CAPZA2: variants seen among roughly 807,000 people sequenced by gnomAD.
The protein encoded by CAPZA2 is capping actin protein of muscle Z-line subunit alpha 2.
CAPZA2 carries 13 observed loss-of-function variants against 44.0 expected under a neutral mutation model. The ratio of observed to expected loss-of-function variants is 0.30; its 90% CI spans 0.19 to 0.47. The LOEUF is 0.47. Ranked by LOEUF, CAPZA2 falls within the 20% of genes least tolerant of loss-of-function variation. The probability of loss-of-function intolerance (pLI) is 1.00; values close to 1 mark genes in which losing one functional copy is unlikely to be tolerated. For missense variants in CAPZA2, 244 were observed against 338.6 expected, an observed-to-expected ratio of 0.72 and a Z score of 2.19; for synonymous variants, 94 against 108.2, an observed-to-expected ratio of 0.87 and a Z score of 0.81.
At position 116,917,956 on chromosome 7, in the gene CAPZA2, G is replaced by C; in HGVS notation, c.*89G>C. On this transcript the variant is annotated 3_prime_UTR_variant, in exon 10 of 10. Transcript: ENST00000361183. ...TCTGAACTGTCAAGCTGCCCAGTCA[G>C]ATGGGCTGTTGCCATTTAAAATCAC... 1 of 1,024,650 alleles carries C rather than the reference G, an allele frequency of 9.8e-7. No individual in the cohort carries two copies. The highest frequency in any genetic ancestry group is 1.5e-6 in the Non-Finnish European group (1 of 667,144). The allele number at this position is 1,024,650 out of a possible 1,614,324, so 63.5% of individuals were successfully genotyped here. A position where few individuals can be genotyped will look rare whatever the true frequency, so the allele number is the denominator to read the frequency against.
chr7:116,877,947 T>G (rs373699805), intron 1 of CAPZA2, among the ~76,000 whole-genome samples: 1 of 152,108 alleles, frequency 6.6e-6, no homozygotes, highest in African/African-American at 2.4e-5. Context: ...TGGGTCTGAA[T>G]AAAATGGAAT....
intron 8 of CAPZA2, among the ~76,000 whole-genome samples, chr7:116,912,730 A>T (rs1791614846): frequency 6.6e-6 from 1 of 152,118 alleles, no homozygotes. Context: ...TTCTTCAGTT[A>T]ATGGACATTT....
rs753333061 is a variant in CAPZA2 at position 116,920,952 on chromosome 7, GGGTATGATGAT to G, written c.*3089_*3099del. ...GTGAATGACCACATGAAGAGGGGCA[GGGTATGATGAT>G]GGTCTGTGGAATTTCAGCTGGGTAA... On this transcript the variant is annotated 3_prime_UTR_variant, in exon 10 of 10. Transcript: ENST00000361183. 6.6e-6 allele frequency: 1 copy of G among 152,314 alleles called. No individual in the cohort carries two copies. The highest frequency in any genetic ancestry group is 1.5e-5 in the Non-Finnish European group (1 of 68,138). The allele number at this position is 152,314 out of a possible 1,614,324, so 9.4% of individuals were successfully genotyped here.
At chr7:116,876,069 G>C (rs1562957273) in intron 1 of CAPZA2, 2 of 152,190 alleles carry the variant, frequency 1.3e-5, no homozygotes. Flanking sequence ...GGCTAACACA[G>C]TGAAACCCCG....
rs757906913 is a variant in CAPZA2 at position 116,912,123 on chromosome 7, G to T, written c.640G>T (p.Asp214Tyr). ...VQLVSHKDIQ[D>Y]SLTVSNEVQT... Reference sequence around the variant, plus strand: ...GCTAGTGAGTCATAAAGATATACAAGATTCCCTAACAGTGTCTGTAAGTAA... The same window carrying T: ...GCTAGTGAGTCATAAAGATATACAATATTCCCTAACAGTGTCTGTAAGTAA... Residue 214 changes from aspartate to tyrosine, a missense_variant, in exon 8 of 10, where the codon GAT becomes TAT. By Grantham distance (160) the Asp-to-Tyr change is radical (BLOSUM62 -3). Transcript: ENST00000361183. 6.2e-7 allele frequency: 1 copy of T among 1,612,918 alleles called. No individual in the cohort carries two copies. The highest frequency in any genetic ancestry group is 8.5e-7 in the Non-Finnish European group (1 of 1,179,302).
rs768933182 is a variant in CAPZA2 at position 116,898,830 on chromosome 7, G to A, written c.214G>A (p.Asp72Asn). The change falls in exon 4 of 10, where the codon GAT becomes AAT. Residue 72 changes from aspartate to asparagine, a missense_variant. Coordinates refer to ENST00000361183, the MANE Select transcript of CAPZA2 (RefSeq NM_006136.3). ...FTPVKIEGYEDQVLITEHGDL... is the reference protein window; with the variant it reads ...FTPVKIEGYENQVLITEHGDL... The stretch of plus-strand genomic sequence containing the variant: ...TCCAGTAAAAATTGAAGGTTATGAA[G>A]ATCAGGTATGTTTCATATAAACACT... The A allele has an allele frequency of 1.9e-6, 3 of 1,570,374 alleles. No individual in the cohort carries two copies. The highest frequency in any genetic ancestry group is 1.3e-5 in the African/African-American group (1 of 74,096).
intron 6 of CAPZA2, 164 bp downstream of exon 6, chr7:116,906,506 C>T (rs1477335966): frequency 8.4e-7 from 1 of 1,190,468 alleles, no homozygotes; most frequent in Non-Finnish European, 1.1e-6. Context: ...ATTTGCTCAA[C>T]AGCCTAATCA....
intron 5 of CAPZA2, among the ~76,000 whole-genome samples, chr7:116,905,096 G>T (rs1327057994): frequency 6.9e-6 from 1 of 144,432 alleles, no homozygotes; most frequent in South Asian, 2.2e-4. Context: ...CCGAGATTGC[G>T]CCACTCCACT....
intron 3 of CAPZA2, among the ~76,000 whole-genome samples, chr7:116,894,883 G>A (rs1386926779): frequency 6.6e-6 from 1 of 151,936 alleles, no homozygotes; most frequent in South Asian, 2.1e-4. Context: ...AGCACATTTT[G>A]TTTATCCGTT....
intron 6 of CAPZA2, chr7:116,909,928 T>C (rs1333559277): frequency 3.4e-6 from 1 of 295,618 alleles, no homozygotes; most frequent in African/African-American, 2.2e-5. Context: ...CTGATTGTGA[T>C]CAATTAGTGG....
rs751929640 is a variant in CAPZA2 at position 116,910,273 on chromosome 7, C to T, written c.547C>T (p.Pro183Ser). The change falls in exon 7 of 10, where the codon CCT becomes TCT. Residue 183 changes from proline to serine, a missense_variant. Coordinates refer to ENST00000361183, the MANE Select transcript of CAPZA2 (RefSeq NM_006136.3). ...GTCAGAATGGAAGTTTACAATCACT[C>T]CTTCAACCACTCAAGTGGTTGGCAT... ...WRSEWKFTIT[P>S]STTQVVGILK... The T allele has an allele frequency of 5.6e-6, 9 of 1,601,086 alleles. No homozygotes were observed. In the Admixed American group the frequency reaches 1.5e-4, roughly 27 times the overall value.
At chr7:116,910,135 C>A in intron 6 of CAPZA2, 98 bp from the exon 7 acceptor site, 1 of 738,582 alleles carries the variant, frequency 1.4e-6, no homozygotes, top group Admixed American at 2.0e-5. Context: ...TCATCCCCCA[C>A]ACTCTCTCAT....
At chr7:116,869,398 A>G (rs1190268529) in intron 1 of CAPZA2, among the ~76,000 whole-genome samples, 2 of 152,214 alleles carry the variant, frequency 1.3e-5, no homozygotes, top group Non-Finnish European at 2.9e-5. Context: ...TATACATTCT[A>G]ATTCGCAGTG....
At position 116,890,537 on chromosome 7, in the gene CAPZA2, T is replaced by C. The variant is rs1472462318; in HGVS notation, c.103+2347T>C. ...AAAAAAAAAAAAAAATATATATATATATATATATATATATATATATATATA... is the reference window on the plus strand; with the variant it reads ...AAAAAAAAAAAAAAATATATATATACATATATATATATATATATATATATA... On this transcript the variant is annotated intron_variant, in intron 2 of 9. Coordinates refer to ENST00000361183, the MANE Select transcript of CAPZA2 (RefSeq NM_006136.3). 1.1e-3 allele frequency among the ~76,000 whole-genome samples: 12 copies of C among 10,518 alleles called. 1 individual carries two copies. Among genetic ancestry groups the C allele is most frequent in the Non-Finnish European group, 1.7e-3 (11 of 6,402 alleles). 6.9% of individuals were successfully genotyped at this position (10,518 alleles called of 152,430 possible). A position where few individuals can be genotyped will look rare whatever the true frequency, so the allele number is the denominator to read the frequency against.
In CAPZA2 at chr7:116,862,615, G is replaced by A; in HGVS notation, c.4G>A (p.Ala2Thr). 1 of 1,539,458 alleles carries A rather than the reference G, an allele frequency of 6.5e-7. No individual in the cohort carries two copies. The highest frequency in any genetic ancestry group is 8.8e-7 in the Non-Finnish European group (1 of 1,142,012). ...GCGGTTTGTCGCCAGAAGGAAGATG[G>A]CGGATCTGGAGGAGCAGTTGTCTGA... The part of the protein sequence containing the change: M[A>T]DLEEQLSDEE... The change falls in exon 1 of 10, where the codon GCG (alanine) becomes ACG (threonine). Residue 2 changes from alanine (A) to threonine (T), a missense_variant. Coordinates refer to ENST00000361183, the MANE Select transcript of CAPZA2 (RefSeq NM_006136.3).
At chr7:116,902,188 C>T (rs534374840) in intron 4 of CAPZA2, among the ~76,000 whole-genome samples, 1 of 152,102 alleles carries the variant, frequency 6.6e-6, no homozygotes, top group East Asian at 1.9e-4. Flanking sequence ...AAATAGATTT[C>T]AGGTGGTTTT....
At chr7:116,866,275 C>T (rs1167274295) in intron 1 of CAPZA2, among the ~76,000 whole-genome samples, 1 of 151,926 alleles carries the variant, frequency 6.6e-6, no homozygotes, top group Non-Finnish European at 1.5e-5. Context: ...GGGTTCACGC[C>T]ATTCTCCTGC....
At chr7:116,868,680 G>A (rs1796512316) in intron 1 of CAPZA2, among the ~76,000 whole-genome samples, 1 of 152,182 alleles carries the variant, frequency 6.6e-6, no homozygotes, top group Non-Finnish European at 1.5e-5. Context: ...GTTGCAGTGA[G>A]CGGTGATCGC....
At chr7:116,865,018 TTTG>T (rs1307930946) in intron 1 of CAPZA2, among the ~76,000 whole-genome samples, 5 of 152,108 alleles carry the variant, frequency 3.3e-5, no homozygotes, top group Admixed American at 1.3e-4. Context: ...CATTACTTAA[TTTG>T]TTGTTGTAAG....
Sources: gnomAD v4.1 joint callset for allele counts (sites outside exome capture counted in the v4.1 genomes callset) on GRCh38, gnomAD v4.1.1 for gene constraint, MANE v1.5 for transcripts, NCBI Gene and HGNC (gene_info 2026-07-23, HGNC 2026-07-21) for gene names.